Variants in DENND2B observed in about 807,000 individuals in gnomAD.
The protein encoded by DENND2B is DENN domain-containing protein 2B.
DENND2B carries 32 observed loss-of-function variants against 116.0 expected under a neutral mutation model. The observed-to-expected ratio is 0.28, with a 90% CI of 0.21 to 0.37. DENND2B has a LOEUF of 0.37. Among genes scored for constraint, DENND2B ranks in the 10% least tolerant of loss-of-function variants. The probability of loss-of-function intolerance (pLI) is 1.00; values close to 1 mark genes in which losing one functional copy is unlikely to be tolerated. For synonymous variants in DENND2B, 588 were observed against 583.9 expected, an observed-to-expected ratio of 1.01 and a Z score of -0.10; for missense variants, 1,276 against 1,477.7, an observed-to-expected ratio of 0.86 and a Z score of 2.24.
intron 3 of DENND2B, among the ~76,000 whole-genome samples, chr11:8,854,801 C>T (rs117812875): frequency 0.02 from 3,064 of 152,218 alleles, 40 homozygotes; most frequent in Middle Eastern, 0.034. Context: ...CAACCTCTTC[C>T]ACCCAGGTTC....
At chr11:8,764,942 C>CAAAAAAAAAA (rs35421038) in intron 1 of DENND2B, among the ~76,000 whole-genome samples, 2 of 100,296 alleles carry the variant, frequency 2.0e-5, no homozygotes, top group Non-Finnish European at 1.9e-5. Context: ...GAGACTGTCT[C>CAAAAAAAAAA]AAAAAAAAAA....
chr11:8,716,442 C>T, intron 5 of DENND2B, among the ~76,000 whole-genome samples: 1 of 152,168 alleles, frequency 6.6e-6, no homozygotes, highest in Non-Finnish European at 1.5e-5. Flanking sequence ...ACCTCTCATC[C>T]CAGGGCACCA....
At chr11:8,726,443 A>C in intron 3 of DENND2B, 1 of 436,502 alleles carries the variant, frequency 2.3e-6, no homozygotes. Flanking sequence ...ATTAGATAAC[A>C]ACTACCCCAG....
intron 4 of DENND2B, among the ~76,000 whole-genome samples, chr11:8,837,411 G>A (rs1013296340): frequency 1.6e-4 from 24 of 152,002 alleles, no homozygotes; most frequent in African/African-American, 5.6e-4. Context: ...GCAGTGGCAC[G>A]ACCTGGGCTC....
Position 8,766,044 on chromosome 11 carries a change from C to T in DENND2B, c.-25-15319G>A, listed in dbSNP as rs572217882. The stretch of plus-strand genomic sequence containing the variant: ...ACTTCATATAAAAACAAACAAAAAA[C>T]CTACTTATAAAAGAAAACTTAGGTA... On this transcript the variant is annotated intron_variant, in intron 1 of 19. Coordinates refer to ENST00000313726, the MANE Select transcript of DENND2B (RefSeq NM_213618.2). Among the ~76,000 whole-genome samples the T allele has an allele frequency of 1.6e-4, 24 of 152,078 alleles. No homozygotes were observed. The South Asian group carries it at 4.8e-3, about 30-fold the overall frequency.
At chr11:8,695,664 T>C in intron 18 of DENND2B, 115 bp from the exon 19 acceptor site, 1 of 866,498 alleles carries the variant, frequency 1.2e-6, no homozygotes, top group Admixed American at 2.4e-5. Context: ...AGAAAACATC[T>C]GGGATGATAA....
At chr11:8,754,611 C>T (rs2053282304) in intron 1 of DENND2B, among the ~76,000 whole-genome samples, 1 of 152,200 alleles carries the variant, frequency 6.6e-6, no homozygotes, top group South Asian at 2.1e-4. Context: ...TCCACACAAT[C>T]ACTTGTACAT....
At chr11:8,713,584 C>G (rs970837108) in intron 8 of DENND2B, among the ~76,000 whole-genome samples, 9 of 152,102 alleles carry the variant, frequency 5.9e-5, no homozygotes, top group Admixed American at 3.3e-4. Context: ...GTTTCACCAT[C>G]TTAGCCAGGC....
At chr11:8,815,548 C>T (rs2061540244), upstream of DENND2B, among the ~76,000 whole-genome samples, 1 of 152,172 alleles carries the variant, frequency 6.6e-6, no homozygotes, top group Non-Finnish European at 1.5e-5. Context: ...CTCTATGGCT[C>T]ATGCTGTTAC....
At chr11:8,804,287 ATTG>A (rs548132507) in intron 1 of DENND2B, among the ~76,000 whole-genome samples, 3 of 152,250 alleles carry the variant, frequency 2.0e-5, no homozygotes, top group Admixed American at 6.5e-5. Context: ...TTCCAAAGCA[ATTG>A]TCTTTCTCTC....
At chr11:8,872,710 G>T (rs1020500841), upstream of DENND2B, among the ~76,000 whole-genome samples, 2 of 152,108 alleles carry the variant, frequency 1.3e-5, no homozygotes, top group African/African-American at 2.4e-5. Context: ...GCGGTGTGAT[G>T]CAGTCTGCGC....
rs1379857863 is a variant in DENND2B, at chr11:8,698,993, A to C, written c.2899-19T>G. The stretch of plus-strand genomic sequence containing the variant: ...TCAGCGCCTGAGAAAAGGAGTCATT[A>C]GCAGAGTGGCTCAGGGCATGAGTCC... On this transcript the variant is annotated intron_variant, in intron 15 of 19. Transcript: ENST00000313726. 3.1e-6 allele frequency: 5 copies of C among 1,613,930 alleles called. No individual in the cohort carries two copies. Among genetic ancestry groups the C allele is most frequent in the African/African-American group, 1.3e-5 (1 of 74,936 alleles).
intron 13 of DENND2B, among the ~76,000 whole-genome samples, chr11:8,705,038 A>C (rs987031168): frequency 1.3e-5 from 2 of 152,114 alleles, no homozygotes; most frequent in Admixed American, 1.3e-4. Context: ...CAAAGCCATC[A>C]GATGAGAATC....
chr11:8,799,042 G>T (rs10840124), intron 1 of DENND2B, among the ~76,000 whole-genome samples: 32,000 of 151,974 alleles, frequency 0.21, 3,518 homozygotes, highest in South Asian at 0.33. Context: ...GGCTGGTCTT[G>T]AACTCCTGAC....
intron 13 of DENND2B, among the ~76,000 whole-genome samples, chr11:8,705,941 T>C (rs2042522973): frequency 6.6e-6 from 1 of 152,230 alleles, no homozygotes; most frequent in Non-Finnish European, 1.5e-5. Flanking sequence ...GCAGCCACAG[T>C]GGGCTTTGAA....
In DENND2B at chr11:8,693,709, G is replaced by A. The variant is rs1034668006; in HGVS notation, c.*387C>T. On this transcript the variant is annotated 3_prime_UTR_variant, in exon 20 of 20. Coordinates refer to ENST00000313726, the MANE Select transcript of DENND2B (RefSeq NM_213618.2). ...TCTCCAGGGCCCGGGACTGGCAGCG[G>A]GGACCTCAGGCAGGCAGGCAGGCCG... 1.1e-4 allele frequency: 20 copies of A among 181,032 alleles called. No homozygotes were observed. In the East Asian group the frequency reaches 1.9e-3, roughly 17 times the overall value. 11.2% of individuals were successfully genotyped at this position (181,032 alleles called of 1,614,324 possible).
intron 3 of DENND2B, among the ~76,000 whole-genome samples, chr11:8,846,495 G>A (rs2062819557): frequency 1.3e-5 from 2 of 152,208 alleles, no homozygotes; most frequent in Admixed American, 1.3e-4. Context: ...TCACAATGGG[G>A]AGGAGGGGAG....
At chr11:8,776,152 GCGCGCGCGCACACACACACACACA>G (rs1227907145) in intron 1 of DENND2B, 2 of 274,088 alleles carry the variant, frequency 7.3e-6, no homozygotes, top group East Asian at 1.2e-4. Flanking sequence ...GCGCGCACGC[GCGCGCGCGCACACACACACACACA>G]CACACACACA....
At chr11:8,905,873 T>C (rs551391464) in intron 1 of DENND2B, among the ~76,000 whole-genome samples, 95 of 151,904 alleles carry the variant, frequency 6.3e-4, no homozygotes, top group Non-Finnish European at 1.2e-3. Context: ...TGCTACGACA[T>C]GTGTGAGCCT....
Sources: gnomAD v4.1 joint callset for allele counts (sites outside exome capture counted in the v4.1 genomes callset) on GRCh38, gnomAD v4.1.1 for gene constraint, MANE v1.5 for transcripts, NCBI Gene and HGNC (gene_info 2026-07-23, HGNC 2026-07-21) for gene names.